Variants in CADM2 observed in about 807,000 individuals in gnomAD.
CADM2 encodes immunoglobulin superfamily member 4D.
CADM2 carries 12 observed loss-of-function variants against 49.8 expected under a neutral mutation model. The ratio of observed to expected loss-of-function variants is 0.24; its 90% CI spans 0.15 to 0.39. The LOEUF is 0.39. Among genes scored for constraint, CADM2 ranks in the 10% least tolerant of loss-of-function variants. CADM2 has a pLI of 1.00. For synonymous variants in CADM2, 214 were observed against 175.4 expected (o/e 1.22, Z -1.74); for missense variants, 378 against 492.3 (o/e 0.77, Z 2.20).
chr3:85,065,502 T>C (rs564984953), intron 1 of CADM2, among the ~76,000 whole-genome samples: 1 of 152,288 alleles, frequency 6.6e-6, no homozygotes, highest in Non-Finnish European at 1.5e-5. Flanking sequence ...TACACCTTCA[T>C]GCTCTAAACT....
rs1268279813 is a variant in CADM2 at position 85,275,434 on chromosome 3, CA to C, written c.61+315770del. 5.9e-5 allele frequency among the ~76,000 whole-genome samples: 9 copies of C among 151,396 alleles called. No homozygotes were observed. In the Admixed American group the frequency reaches 6.0e-4, roughly 10 times the overall value. ...TTGAAATAAGTGCCCCCACCTTCCACAAAATGTTTTATGTAGATAGAAAACT... is the reference window on the plus strand; with the variant it reads ...TTGAAATAAGTGCCCCCACCTTCCACAAATGTTTTATGTAGATAGAAAACT... On this transcript the variant is annotated intron_variant, in intron 1 of 9. Coordinates refer to ENST00000383699, the MANE Select transcript of CADM2 (RefSeq NM_001167675.2).
intron 6 of CADM2, among the ~76,000 whole-genome samples, chr3:85,918,928 TCA>T (rs1718740799): frequency 6.6e-6 from 1 of 152,060 alleles, no homozygotes; most frequent in African/African-American, 2.4e-5. Flanking sequence ...GTATCTGCAC[TCA>T]CAGTGCACAA....
At chr3:85,237,574 T>A (rs2042435912) in intron 1 of CADM2, among the ~76,000 whole-genome samples, 1 of 151,432 alleles carries the variant, frequency 6.6e-6, no homozygotes, top group East Asian at 1.9e-4. Flanking sequence ...AAATTTAAAT[T>A]GATTTTAATA....
chr3:85,362,756 C>T (rs1049015351), intron 1 of CADM2, among the ~76,000 whole-genome samples: 2 of 152,080 alleles, frequency 1.3e-5, no homozygotes, highest in Admixed American at 6.6e-5. Context: ...CATTTGTTGT[C>T]ACTGCAGGTG....
intron 1 of CADM2, among the ~76,000 whole-genome samples, chr3:85,082,005 A>C (rs933254944): frequency 1.8e-4 from 28 of 152,154 alleles, no homozygotes; most frequent in African/African-American, 6.5e-4. Context: ...ATTTTCCTTC[A>C]CAAACCATTC....
intron 1 of CADM2, among the ~76,000 whole-genome samples, chr3:85,262,270 A>C (rs1303005181): frequency 2.0e-5 from 3 of 152,062 alleles, no homozygotes; most frequent in Non-Finnish European, 4.4e-5. Flanking sequence ...AATTTTATTC[A>C]TATTACATAT....
At chr3:85,681,337 G>C (rs1038502660) in intron 1 of CADM2, among the ~76,000 whole-genome samples, 2 of 152,078 alleles carry the variant, frequency 1.3e-5, no homozygotes, top group Admixed American at 6.5e-5. Flanking sequence ...TTAATATAGA[G>C]AGATAAGAAG....
At chr3:85,085,425 T>C (rs988275164) in intron 1 of CADM2, among the ~76,000 whole-genome samples, 2 of 151,948 alleles carry the variant, frequency 1.3e-5, no homozygotes, top group African/African-American at 2.4e-5. Context: ...TATTCAATTA[T>C]ATATATATGT....
rs192611888 is a variant in CADM2, at chr3:85,412,912, C to A, written c.62-313610C>A. Among the ~76,000 whole-genome samples, 563 of 151,410 alleles carry A rather than the reference C, an allele frequency of 3.7e-3. 6 individuals are homozygous for A. The highest frequency in any genetic ancestry group is 0.013 in the African/African-American group (530 of 41,272). ...TTGAGAAGTCATTGGGAGGCCGAGGCGGGCGGATCACGAGGTCAGGAGATC... is the reference window on the plus strand; with the variant it reads ...TTGAGAAGTCATTGGGAGGCCGAGGAGGGCGGATCACGAGGTCAGGAGATC... On this transcript the variant is annotated intron_variant, in intron 1 of 9. Transcript: ENST00000383699.
At chr3:85,580,851 A>G (rs984962538) in intron 1 of CADM2, among the ~76,000 whole-genome samples, 11 of 152,146 alleles carry the variant, frequency 7.2e-5, no homozygotes, top group Non-Finnish European at 2.9e-5. Context: ...AAGTTAATAC[A>G]TGTAAAACAG....
chr3:85,132,656 C>G (rs1250782894), intron 1 of CADM2, among the ~76,000 whole-genome samples: 3 of 151,594 alleles, frequency 2.0e-5, no homozygotes, highest in Non-Finnish European at 4.4e-5. Flanking sequence ...AGTCATTAGA[C>G]CCTCTCAGTA....
chr3:85,857,514 G>T (rs1305277350), intron 3 of CADM2, among the ~76,000 whole-genome samples: 1 of 73,358 alleles, frequency 1.4e-5, no homozygotes, highest in Non-Finnish European at 3.2e-5. Context: ...GTCTCACTCT[G>T]TTGCTCAGGC....
At chr3:85,384,960 G>C (rs182277809) in intron 1 of CADM2, among the ~76,000 whole-genome samples, 3 of 151,956 alleles carry the variant, frequency 2.0e-5, no homozygotes, top group Admixed American at 2.0e-4. Flanking sequence ...TCTTGAGATG[G>C]AGTCTCACTG....
At chr3:85,673,466 C>A (rs2065804028) in intron 1 of CADM2, among the ~76,000 whole-genome samples, 1 of 148,824 alleles carries the variant, frequency 6.7e-6, no homozygotes. Context: ...GGCAATTTAT[C>A]TAGATTACTG....
intron 8 of CADM2, among the ~76,000 whole-genome samples, chr3:86,018,554 T>C (rs1048181455): frequency 6.6e-6 from 1 of 152,226 alleles, no homozygotes; most frequent in Non-Finnish European, 1.5e-5. Flanking sequence ...TTCCTGACTT[T>C]TTAATGATTG....
chr3:85,333,312 T>A (rs186856406), intron 1 of CADM2, among the ~76,000 whole-genome samples: 27 of 151,872 alleles, frequency 1.8e-4, no homozygotes, highest in Admixed American at 1.3e-3. Context: ...TAGCGAGCCA[T>A]GTAAATAATG....
At chr3:85,532,724 G>T (rs1229119422) in intron 1 of CADM2, among the ~76,000 whole-genome samples, 1 of 152,098 alleles carries the variant, frequency 6.6e-6, no homozygotes, top group African/African-American at 2.4e-5. Context: ...GTTCATTTCA[G>T]CACTTCATAA....
At chr3:85,439,323 T>C (rs544681285) in intron 1 of CADM2, among the ~76,000 whole-genome samples, 1 of 151,912 alleles carries the variant, frequency 6.6e-6, no homozygotes, top group East Asian at 2.0e-4. Flanking sequence ...CTGGCTAATT[T>C]TGTGTTTTTA....
intron 1 of CADM2, among the ~76,000 whole-genome samples, chr3:85,573,471 G>T (rs182026015): frequency 6.6e-6 from 1 of 152,022 alleles, no homozygotes; most frequent in Non-Finnish European, 1.5e-5. Flanking sequence ...CATTATAGGG[G>T]CATTATAGGT....
Sources: allele counts gnomAD v4.1 joint callset (sites outside exome capture counted in the v4.1 genomes callset), GRCh38; gene constraint gnomAD v4.1.1; transcripts MANE v1.5; gene names NCBI Gene and HGNC (gene_info 2026-07-23, HGNC 2026-07-21).